DMD: variants seen among roughly 807,000 people sequenced by gnomAD.
The protein encoded by DMD is dystrophin.
DMD carries 63 observed loss-of-function variants against 330.1 expected under a neutral mutation model. The observed-to-expected ratio is 0.19, with a 90% CI of 0.16 to 0.24. The LOEUF (loss-of-function observed/expected upper bound fraction) is 0.24, where lower values mean the gene tolerates loss of function less well. DMD is among the 10% of genes least tolerant of loss of function. The pLI is 1.00. For missense variants in DMD, 3,344 were observed against 2,684.1 expected, an observed-to-expected ratio of 1.25 and a Z score of -5.43; for synonymous variants, 1,223 against 959.8, an observed-to-expected ratio of 1.27 and a Z score of -5.07.
chrX:33,339,146 G>T, intron 1 of DMD: 1 of 838,476 alleles, frequency 1.2e-6, no homozygotes, highest in Non-Finnish European at 1.6e-6. Flanking sequence ...TGCAGAGTTT[G>T]AAGAGCTCGG....
intron 11 of DMD, among the ~76,000 whole-genome samples, chrX:32,624,243 T>C (rs1683915220): frequency 8.9e-6 from 1 of 111,797 alleles, no homozygotes; most frequent in Admixed American, 9.5e-5. Context: ...GGAGTATACA[T>C]ATATGACTGG....
At chrX:31,636,640 T>A (rs1603432705) in intron 54 of DMD, among the ~76,000 whole-genome samples, 2 of 111,837 alleles carry the variant, frequency 1.8e-5, no homozygotes, top group South Asian at 7.5e-4. Flanking sequence ...CTTGCCAGTC[T>A]CCCTGTGAAG....
At chrX:32,963,784 G>A (rs2091999960) in intron 2 of DMD, among the ~76,000 whole-genome samples, 1 of 111,439 alleles carries the variant, frequency 9.0e-6, no homozygotes, top group African/African-American at 3.3e-5. Flanking sequence ...AGGTCATACA[G>A]AAAGGACTCA....
chrX:31,364,524 C>A (rs914825312), intron 60 of DMD, among the ~76,000 whole-genome samples: 1 of 111,727 alleles, frequency 9.0e-6, no homozygotes, highest in Non-Finnish European at 1.9e-5. Context: ...AAGAGTCCAG[C>A]CTAATATACT....
At chrX:32,031,484 C>T (rs1170723129) in intron 44 of DMD, among the ~76,000 whole-genome samples, 2 of 111,262 alleles carry the variant, frequency 1.8e-5, no homozygotes, top group African/African-American at 3.3e-5. Flanking sequence ...TCCACATATT[C>T]ACCAAGGGAA....
chrX:31,601,293 T>G (rs1373226254), intron 55 of DMD, among the ~76,000 whole-genome samples: 8 of 112,216 alleles, frequency 7.1e-5, no homozygotes, highest in Non-Finnish European at 1.1e-4. Flanking sequence ...TGTCCAATAA[T>G]CATGTTGTAA....
chrX:33,258,315 T>C (rs987515512), intron 1 of DMD, among the ~76,000 whole-genome samples: 1 of 111,022 alleles, frequency 9.0e-6, no homozygotes, highest in African/African-American at 3.3e-5. Flanking sequence ...GGTATAACTA[T>C]ACCAAAGTGT....
chrX:32,638,360 G>A (rs1028032549), intron 11 of DMD, among the ~76,000 whole-genome samples: 1 of 111,823 alleles, frequency 8.9e-6, no homozygotes, highest in African/African-American at 3.2e-5. Context: ...AGGAACAGAA[G>A]ATATCTAAGT....
At chrX:33,289,065 A>C (rs1188284429) in intron 1 of DMD, among the ~76,000 whole-genome samples, 1 of 111,231 alleles carries the variant, frequency 9.0e-6, no homozygotes, top group Non-Finnish European at 1.9e-5. Context: ...TTTGAACAAC[A>C]AAGTTATTAT....
intron 67 of DMD, among the ~76,000 whole-genome samples, chrX:31,188,149 A>G (rs1344224901): frequency 1.8e-5 from 2 of 112,170 alleles, no homozygotes; most frequent in African/African-American, 6.5e-5. Context: ...CAACTGACAG[A>G]CTGAAGACAA....
chrX:31,965,289 T>C (rs1176953863), intron 45 of DMD, among the ~76,000 whole-genome samples: 1 of 111,709 alleles, frequency 9.0e-6, no homozygotes, highest in Non-Finnish European at 1.9e-5. Flanking sequence ...TAGGATCATT[T>C]TTTTATGCCT....
intron 49 of DMD, among the ~76,000 whole-genome samples, chrX:31,822,653 G>GGGTGTGTGT (rs58903799): frequency 0.019 from 1,226 of 65,820 alleles, 29 homozygotes; most frequent in Middle Eastern, 0.032. Flanking sequence ...AAGGCAGAGG[G>GGGTGTGTGT]GTGTGTGTGT....
intron 61 of DMD, among the ~76,000 whole-genome samples, chrX:31,333,791 C>T (rs900073973): frequency 2.7e-5 from 3 of 110,940 alleles, no homozygotes; most frequent in Non-Finnish European, 3.8e-5. Flanking sequence ...TATTCTCTCT[C>T]GTCTGCCTAT....
intron 60 of DMD, among the ~76,000 whole-genome samples, chrX:31,418,900 T>C (rs2148930819): frequency 8.9e-6 from 1 of 112,460 alleles, no homozygotes; most frequent in Non-Finnish European, 1.9e-5. Flanking sequence ...GTAACAGTTA[T>C]CAGGTAGTTG....
intron 1 of DMD, among the ~76,000 whole-genome samples, chrX:33,033,118 C>T (rs1284457438): frequency 9.0e-6 from 1 of 110,654 alleles, no homozygotes; most frequent in East Asian, 2.9e-4. Flanking sequence ...AATAGATTAT[C>T]CAAGTGGCAG....
At chrX:32,188,930 A>G (rs772036469) in intron 44 of DMD, among the ~76,000 whole-genome samples, 188 of 110,316 alleles carry the variant, frequency 1.7e-3, no homozygotes, top group African/African-American at 5.8e-3. Context: ...TACGTAGTCA[A>G]TTTTTGCTTT....
intron 43 of DMD, among the ~76,000 whole-genome samples, chrX:32,264,195 G>A (rs1159820627): frequency 9.0e-6 from 1 of 110,823 alleles, no homozygotes; most frequent in African/African-American, 3.3e-5. Flanking sequence ...GGTTTCATAA[G>A]GGGCTTTTCC....
chrX:32,857,091 T>A (rs1423328558), intron 2 of DMD, among the ~76,000 whole-genome samples: 4 of 109,256 alleles, frequency 3.7e-5, no homozygotes, highest in Non-Finnish European at 7.6e-5. Flanking sequence ...AAAAAAAAAT[T>A]TGAAGTGGAA....
intron 9 of DMD, among the ~76,000 whole-genome samples, chrX:32,646,496 TAACA>T (rs1044905594): frequency 1.8e-5 from 2 of 111,199 alleles, no homozygotes; most frequent in South Asian, 3.8e-4. Context: ...CGGGGCCCCC[TAACA>T]AACAGGGTTT....
Sources: allele counts gnomAD v4.1 joint callset (sites outside exome capture counted in the v4.1 genomes callset), GRCh38; gene constraint gnomAD v4.1.1; transcripts MANE v1.5; gene names NCBI Gene and HGNC (gene_info 2026-07-23, HGNC 2026-07-21).